Variants in GALNT13 observed in about 807,000 individuals in gnomAD.
GALNT13 encodes the protein UDP-GalNAc:polypeptide N-acetylgalactosaminyltransferase 13.
Under a neutral mutation model 64.2 loss-of-function variants are expected in GALNT13, and 28 were observed. The observed-to-expected ratio is 0.44, with a 90% CI of 0.32 to 0.60. The LOEUF is 0.60. Among genes scored for constraint, GALNT13 ranks in the 20% least tolerant of loss-of-function variants. The pLI is 0.05. For missense variants in GALNT13, 577 were observed against 669.8 expected (o/e 0.86, Z 1.53); for synonymous variants, 214 against 224.6 (o/e 0.95, Z 0.42).
chr2:153,890,153 A>C (rs978774844), intron 1 of GALNT13, among the ~76,000 whole-genome samples: 11 of 152,040 alleles, frequency 7.2e-5, no homozygotes, highest in African/African-American at 2.7e-4. Context: ...AACATAAACA[A>C]ACACAAAAAT....
At chr2:154,392,970 C>T (rs1200543115) in intron 9 of GALNT13, among the ~76,000 whole-genome samples, 1 of 151,928 alleles carries the variant, frequency 6.6e-6, no homozygotes, top group East Asian at 1.9e-4. Flanking sequence ...TGTATATGTG[C>T]GAGAGAAAGA....
the GALNT13 span, among the ~76,000 whole-genome samples, chr2:153,673,220 C>T: frequency 6.6e-6 from 1 of 152,132 alleles, no homozygotes; most frequent in Non-Finnish European, 1.5e-5. Context: ...AGGCCAGTAT[C>T]ACCCTAATTC....
the GALNT13 span, among the ~76,000 whole-genome samples, chr2:153,569,377 A>G: frequency 6.6e-6 from 1 of 151,934 alleles, no homozygotes; most frequent in African/African-American, 2.4e-5. Context: ...TTATCTGCTC[A>G]GGCCTTTTGT....
intron 9 of GALNT13, among the ~76,000 whole-genome samples, chr2:154,362,238 CCCCCACCCCCA>C (rs1240351297): frequency 6.7e-6 from 1 of 148,968 alleles, no homozygotes; most frequent in Non-Finnish European, 1.5e-5. Flanking sequence ...ACAAATTCTA[CCCCCACCCCCA>C]CCCCACCCCA....
chr2:153,518,383 A>G, the GALNT13 span, among the ~76,000 whole-genome samples: 1 of 152,170 alleles, frequency 6.6e-6, no homozygotes, highest in African/African-American at 2.4e-5. Context: ...GGTTTCTGAA[A>G]TGCGTATGGA....
chr2:153,792,277 A>G, the GALNT13 span, among the ~76,000 whole-genome samples: 1 of 149,876 alleles, frequency 6.7e-6, no homozygotes, highest in African/African-American at 2.5e-5. Flanking sequence ...GGTTGCATTT[A>G]TACTGAAAAT....
the GALNT13 span, among the ~76,000 whole-genome samples, chr2:153,826,484 C>T: frequency 6.6e-6 from 1 of 152,150 alleles, no homozygotes; most frequent in African/African-American, 2.4e-5. Flanking sequence ...TGGTAATATA[C>T]AATTTATGAC....
At chr2:153,124,889 T>C in the GALNT13 span, among the ~76,000 whole-genome samples, 1 of 152,194 alleles carries the variant, frequency 6.6e-6, no homozygotes, top group Non-Finnish European at 1.5e-5. Context: ...TGCTCCTTGC[T>C]TAATCTATGA....
chr2:153,172,565 G>T, the GALNT13 span, among the ~76,000 whole-genome samples: 1 of 152,100 alleles, frequency 6.6e-6, no homozygotes, highest in African/African-American at 2.4e-5. Context: ...AGGAGAACAG[G>T]TCATGAGCTA....
At chr2:154,230,019 T>C (rs543081513) in intron 4 of GALNT13, among the ~76,000 whole-genome samples, 10 of 152,244 alleles carry the variant, frequency 6.6e-5, no homozygotes, top group Admixed American at 3.3e-4. Context: ...CATGCAATAA[T>C]TTAAGGGCTT....
intron 9 of GALNT13, among the ~76,000 whole-genome samples, chr2:154,335,849 A>G (rs540798163): frequency 7.9e-5 from 12 of 152,174 alleles, no homozygotes; most frequent in Middle Eastern, 3.4e-3. Flanking sequence ...AACTGCTGGA[A>G]TAAGTAACAA....
chr2:153,245,108 A>G, the GALNT13 span, among the ~76,000 whole-genome samples: 1 of 152,266 alleles, frequency 6.6e-6, no homozygotes, highest in Non-Finnish European at 1.5e-5. Context: ...AAGGAAATGC[A>G]GCAGCCCCAG....
At position 154,102,502 on chromosome 2, in the gene GALNT13, T is replaced by C. The variant is rs546652056; in HGVS notation, c.143-37835T>C. On this transcript the variant is annotated intron_variant, in intron 3 of 12. Coordinates refer to ENST00000392825, the MANE Select transcript of GALNT13 (RefSeq NM_052917.4). The stretch of plus-strand genomic sequence containing the variant: ...ACACAAAGGCATGAGAATAGTATAA[T>C]GGACTCTGGAGACTTGGGTAAAATC... Among the ~76,000 whole-genome samples, 3 of 152,214 alleles carry C rather than the reference T, an allele frequency of 2.0e-5. No homozygotes were observed. In the South Asian group the frequency reaches 6.2e-4, roughly 32 times the overall value.
intron 3 of GALNT13, among the ~76,000 whole-genome samples, chr2:153,985,853 A>T (rs1225968897): frequency 6.6e-6 from 1 of 152,024 alleles, no homozygotes; most frequent in Non-Finnish European, 1.5e-5. Context: ...GCTGAATTTG[A>T]TGATAGTTTG....
intron 7 of GALNT13, among the ~76,000 whole-genome samples, chr2:154,249,805 C>T (rs1039682307): frequency 6.6e-6 from 1 of 151,880 alleles, no homozygotes; most frequent in African/African-American, 2.4e-5. Flanking sequence ...TATTTCAGAC[C>T]TATTTTACCT....
chr2:154,028,178 A>G (rs940452464), intron 3 of GALNT13, among the ~76,000 whole-genome samples: 1 of 152,132 alleles, frequency 6.6e-6, no homozygotes. Context: ...GTCCTAAATA[A>G]TATTCTTTTT....
At chr2:153,165,333 A>G in the GALNT13 span, among the ~76,000 whole-genome samples, 9 of 152,240 alleles carry the variant, frequency 5.9e-5, no homozygotes, top group South Asian at 2.1e-4. Context: ...CACACAGTCT[A>G]TGCTCTGTAA....
At chr2:154,282,484 T>C (rs1187230881) in intron 8 of GALNT13, among the ~76,000 whole-genome samples, 1 of 152,146 alleles carries the variant, frequency 6.6e-6, no homozygotes, top group East Asian at 1.9e-4. Context: ...TTGTGTACCC[T>C]AGGTAAAAAG....
chr2:154,002,852 A>ACCTT (rs1247295880), intron 3 of GALNT13, among the ~76,000 whole-genome samples: 1 of 152,028 alleles, frequency 6.6e-6, no homozygotes, highest in African/African-American at 2.4e-5. Flanking sequence ...TTCTAGGGAG[A>ACCTT]CCTTATAGTG....
Sources: gnomAD v4.1 joint callset for allele counts (sites outside exome capture counted in the v4.1 genomes callset) on GRCh38, gnomAD v4.1.1 for gene constraint, MANE v1.5 for transcripts, NCBI Gene and HGNC (gene_info 2026-07-23, HGNC 2026-07-21) for gene names.